CLDN10: variants seen among roughly 807,000 people sequenced by gnomAD.
CLDN10 encodes claudin-10.
Under a neutral mutation model 22.9 loss-of-function variants are expected in CLDN10, and 15 were observed. The ratio of observed to expected loss-of-function variants is 0.65; its 90% CI spans 0.44 to 1.01. The LOEUF (loss-of-function observed/expected upper bound fraction) is 1.01. CLDN10 is among the 50% of genes least tolerant of loss of function. The pLI, the probability that CLDN10 is intolerant of heterozygous loss-of-function variation, is 0.00. For missense variants in CLDN10, 247 were observed against 287.8 expected (o/e 0.86, Z 1.03); for synonymous variants, 114 against 111.4 (o/e 1.02, Z -0.15).
At chr13:95,554,169 C>T (rs1179313350) in intron 1 of CLDN10, among the ~76,000 whole-genome samples, 1 of 152,106 alleles carries the variant, frequency 6.6e-6, no homozygotes, top group Non-Finnish European at 1.5e-5. Context: ...GTGTCCTGTT[C>T]GGTAAAATAA....
chr13:95,542,813 T>C (rs1276442888), intron 1 of CLDN10, among the ~76,000 whole-genome samples: 1 of 151,898 alleles, frequency 6.6e-6, no homozygotes, highest in Admixed American at 6.6e-5. Context: ...TCTAAAATAA[T>C]AGGAATAATA....
chr13:95,558,790 G>A (rs116102467), intron 1 of CLDN10, among the ~76,000 whole-genome samples: 1 of 152,066 alleles, frequency 6.6e-6, no homozygotes, highest in South Asian at 2.1e-4. Flanking sequence ...CCATAGGTGG[G>A]GGCAAGCGCC....
intron 1 of CLDN10, among the ~76,000 whole-genome samples, chr13:95,500,943 C>A (rs572107386): frequency 6.6e-6 from 1 of 151,976 alleles, no homozygotes; most frequent in Non-Finnish European, 1.5e-5. Context: ...GCAGAGAGGG[C>A]GCGGCATGTA....
chr13:95,457,063 T>C (rs1367685549), intron 1 of CLDN10, among the ~76,000 whole-genome samples: 3 of 152,174 alleles, frequency 2.0e-5, no homozygotes, highest in Non-Finnish European at 4.4e-5. Context: ...AGCCTTCCTG[T>C]TGCGTCTCGG....
intron 1 of CLDN10, among the ~76,000 whole-genome samples, chr13:95,438,296 G>T (rs1207867394): frequency 1.3e-5 from 2 of 152,158 alleles, no homozygotes; most frequent in Non-Finnish European, 2.9e-5. Flanking sequence ...GTAAAGACAG[G>T]GTCTTGTGAT....
chr13:95,494,114 T>C (rs1171228509), intron 1 of CLDN10, among the ~76,000 whole-genome samples: 1 of 152,204 alleles, frequency 6.6e-6, no homozygotes, highest in Non-Finnish European at 1.5e-5. Context: ...CTTACTACCA[T>C]CAAATACCCT....
intron 1 of CLDN10, among the ~76,000 whole-genome samples, chr13:95,492,761 C>T (rs2042887502): frequency 6.6e-6 from 1 of 152,120 alleles, no homozygotes; most frequent in African/African-American, 2.4e-5. Context: ...CCCCCTTCTC[C>T]TCTGGCCACC....
intron 1 of CLDN10, among the ~76,000 whole-genome samples, chr13:95,539,732 T>C (rs778037351): frequency 5.9e-5 from 9 of 152,216 alleles, no homozygotes; most frequent in Non-Finnish European, 1.2e-4. Flanking sequence ...AGAAAAACTG[T>C]GGAATGAAGA....
rs762262906 is a variant in CLDN10 at position 95,560,434 on chromosome 13, A to G, written c.435A>G (p.Glu145=). 1 of 1,613,880 alleles carries G rather than the reference A, an allele frequency of 6.2e-7. No homozygotes were observed. Among genetic ancestry groups the G allele is most frequent in the African/African-American group, 1.3e-5 (1 of 74,920 alleles). Residue 145 remains glutamate, a synonymous_variant, in exon 3 of 5, where the codon GAA becomes GAG. Coordinates refer to ENST00000299339, the MANE Select transcript of CLDN10 (RefSeq NM_006984.5). ...CSLYANKITT[E]FFDPLFVEQK... ...TATATGCAAACAAAATCACAACGGA[A>G]TTCTTTGATCCTCTCTTTGTTGAGC...
chr13:95,555,695 G>T (rs1274162846), intron 1 of CLDN10, among the ~76,000 whole-genome samples: 3 of 152,116 alleles, frequency 2.0e-5, no homozygotes, highest in Non-Finnish European at 4.4e-5. Flanking sequence ...TTACTTTTCT[G>T]TATCTCTCAG....
chr13:95,548,731 G>A (rs779064934), upstream of CLDN10, among the ~76,000 whole-genome samples: 25 of 152,270 alleles, frequency 1.6e-4, no homozygotes, highest in Non-Finnish European at 2.5e-4. Context: ...ACAATACTTG[G>A]CTCCTGGGCA....
At chr13:95,516,233 G>A (rs758226445) in intron 1 of CLDN10, among the ~76,000 whole-genome samples, 8 of 152,056 alleles carry the variant, frequency 5.3e-5, no homozygotes, top group Admixed American at 1.3e-4. Context: ...CATCTGTATC[G>A]GTTGGCCAGT....
At chr13:95,452,404 C>G (rs1045149177) in intron 1 of CLDN10, among the ~76,000 whole-genome samples, 39 of 152,192 alleles carry the variant, frequency 2.6e-4, no homozygotes, top group African/African-American at 8.7e-4. Context: ...TGAACAGATT[C>G]CTTCCCTGAG....
rs576651264 is a variant in CLDN10 at position 95,495,668 on chromosome 13, C to T, written c.214+61621C>T. 2.6e-4 allele frequency among the ~76,000 whole-genome samples: 38 copies of T among 146,146 alleles called. 1 individual carries two copies. The South Asian group carries it at 7.7e-3, about 30-fold the overall frequency. On this transcript the variant is annotated intron_variant, in intron 1 of 4. Coordinates refer to the CLDN10 transcript ENST00000376873. ...CTGAGGCAGGAGAATGGTGTGAACC[C>T]GGGAGGCGGAGCTTGCAGTGAGCCG... is the stretch of plus-strand genomic sequence containing the variant.
chr13:95,494,111 C>A (rs1444871801), intron 1 of CLDN10, among the ~76,000 whole-genome samples: 2 of 152,160 alleles, frequency 1.3e-5, no homozygotes, highest in African/African-American at 4.8e-5. Flanking sequence ...TTCCTTACTA[C>A]CATCAAATAC....
chr13:95,439,535 G>C (rs1392568243), intron 1 of CLDN10, among the ~76,000 whole-genome samples: 2 of 151,926 alleles, frequency 1.3e-5, no homozygotes, highest in Non-Finnish European at 2.9e-5. Flanking sequence ...AGTTTTGCTG[G>C]GTTGTCCAGG....
At chr13:95,577,715 T>G (rs764557728) in intron 4 of CLDN10, among the ~76,000 whole-genome samples, 185 bp from the exon 5 acceptor site, 1 of 152,162 alleles carries the variant, frequency 6.6e-6, no homozygotes, top group Admixed American at 6.5e-5. Flanking sequence ...TCTGCAGAGA[T>G]TCTCCATCCC....
intron 3 of CLDN10, among the ~76,000 whole-genome samples, chr13:95,561,453 G>A (rs966506046): frequency 6.6e-6 from 1 of 152,160 alleles, no homozygotes; most frequent in African/African-American, 2.4e-5. Flanking sequence ...GCTAGCGCAT[G>A]TTGAGTCCCC....
chr13:95,573,788 C>T (rs1279094266), intron 3 of CLDN10, among the ~76,000 whole-genome samples: 1 of 151,744 alleles, frequency 6.6e-6, no homozygotes, highest in Non-Finnish European at 1.5e-5. Flanking sequence ...AGGTTTGATA[C>T]ACAGGTTTAC....
Sources: allele counts gnomAD v4.1 joint callset (sites outside exome capture counted in the v4.1 genomes callset), GRCh38; gene constraint gnomAD v4.1.1; transcripts MANE v1.5; gene names NCBI Gene and HGNC (gene_info 2026-07-23, HGNC 2026-07-21).